The following NLRP14 variants were observed in gnomAD, a reference collection of about 807,000 sequenced individuals.
NLRP14 encodes NACHT, LRR and PYD domains-containing protein 14.
In NLRP14, 105 loss-of-function variants were observed where a neutral mutation model predicts 94.7. The observed-to-expected ratio is 1.11, with a 90% CI of 0.95 to 1.30. The LOEUF (loss-of-function observed/expected upper bound fraction) is 1.30, where lower values mean the gene tolerates loss of function less well. Ranked by LOEUF, NLRP14 falls within the 50% of genes most tolerant of loss-of-function variation. The pLI, the probability that NLRP14 is intolerant of heterozygous loss-of-function variation, is 0.00. For missense variants in NLRP14, 1,362 were observed against 1,254.1 expected, an observed-to-expected ratio of 1.09 and a Z score of -1.30; for synonymous variants, 508 against 459.9, an observed-to-expected ratio of 1.10 and a Z score of -1.34.
the NLRP14 span, among the ~76,000 whole-genome samples, chr11:7,083,924 C>T: frequency 6.6e-6 from 1 of 152,176 alleles, no homozygotes; most frequent in Non-Finnish European, 1.5e-5. Flanking sequence ...CTCTGTCTGG[C>T]CACATGGTCA....
chr11:7,039,253 G>A (rs1852209786), intron 2 of NLRP14, among the ~76,000 whole-genome samples: 1 of 152,144 alleles, frequency 6.6e-6, no homozygotes, highest in Non-Finnish European at 1.5e-5. Flanking sequence ...GGAATGGGCT[G>A]AAAATTATTA....
At chr11:7,030,904 T>C (rs985029336) in intron 1 of NLRP14, among the ~76,000 whole-genome samples, 10 of 152,166 alleles carry the variant, frequency 6.6e-5, no homozygotes, top group Admixed American at 6.5e-5. Context: ...GGATCCTATA[T>C]TGAACACTGA....
At chr11:7,028,013 A>G (rs1027086297) in intron 1 of NLRP14, among the ~76,000 whole-genome samples, 1 of 152,146 alleles carries the variant, frequency 6.6e-6, no homozygotes, top group Admixed American at 6.5e-5. Flanking sequence ...TCTAAACAGT[A>G]GAGTGATTCC....
At chr11:7,031,928 C>G (rs912034207) in intron 1 of NLRP14, among the ~76,000 whole-genome samples, 14 of 152,214 alleles carry the variant, frequency 9.2e-5, no homozygotes, top group Non-Finnish European at 1.3e-4. Context: ...GTCATCCTCT[C>G]TAGCCTATAG....
At chr11:7,044,039 A>G (rs1164005684) in intron 4 of NLRP14, 55 bp downstream of exon 4, 3 of 1,559,608 alleles carry the variant, frequency 1.9e-6, no homozygotes, top group Non-Finnish European at 2.7e-6. Context: ...AGACGTAGAT[A>G]TTTGTCAGAG....
rs1343920440 is a variant in NLRP14, at chr11:7,020,716, G to C, written c.-76G>C. The C allele has an allele frequency of 2.6e-5, 4 of 152,324 alleles. No homozygotes were observed. The highest frequency in any genetic ancestry group is 4.4e-5 in the Non-Finnish European group (3 of 68,118). The allele number at this position is 152,324 out of a possible 1,614,324, so 9.4% of individuals were successfully genotyped here. The stretch of plus-strand genomic sequence containing the variant: ...GTTGTCCTCGCTGTCCCGCGCCTTG[G>C]CGGAATGGGCACCTCACTAGCCCTG... On this transcript the variant is annotated 5_prime_UTR_variant, in exon 1 of 12. Transcript: ENST00000299481.
At chr11:7,054,878 C>T (rs1852496734) in intron 6 of NLRP14, among the ~76,000 whole-genome samples, 1 of 152,054 alleles carries the variant, frequency 6.6e-6, no homozygotes, top group African/African-American at 2.4e-5. Flanking sequence ...AATCTTTGCC[C>T]AGTCCAATGT....
downstream of NLRP14, among the ~76,000 whole-genome samples, chr11:7,073,713 A>G (rs755158801): frequency 3.3e-5 from 5 of 152,206 alleles, no homozygotes; most frequent in African/African-American, 7.2e-5. Flanking sequence ...CCCATTTATT[A>G]TAAGAGAATA....
chr11:7,051,863 C>T (rs976624920), intron 6 of NLRP14, among the ~76,000 whole-genome samples: 4 of 152,160 alleles, frequency 2.6e-5, no homozygotes, highest in Non-Finnish European at 4.4e-5. Context: ...CCTTGTGATC[C>T]GCCTGCCTTG....
At chr11:7,073,551 C>T (rs150776713), downstream of NLRP14, among the ~76,000 whole-genome samples, 337 of 152,240 alleles carry the variant, frequency 2.2e-3, 1 homozygote, top group Middle Eastern at 0.017. Context: ...AGACTCTCCC[C>T]TATTTGAAGT....
chr11:7,071,832 T>C (rs1233096833), downstream of NLRP14, among the ~76,000 whole-genome samples: 1 of 152,014 alleles, frequency 6.6e-6, no homozygotes, highest in Admixed American at 6.5e-5. Flanking sequence ...ACCAGCATTT[T>C]TGAGAATTTC....
chr11:7,046,320 A>G (rs1177326072), intron 4 of NLRP14, among the ~76,000 whole-genome samples: 1 of 152,180 alleles, frequency 6.6e-6, no homozygotes, highest in East Asian at 1.9e-4. Flanking sequence ...TCCTAATCAT[A>G]TTCTTTGTGA....
chr11:7,083,690 C>G, the NLRP14 span, among the ~76,000 whole-genome samples: 1 of 152,190 alleles, frequency 6.6e-6, no homozygotes, highest in Non-Finnish European at 1.5e-5. Flanking sequence ...GTTCATCCAT[C>G]TTTACATTGC....
At chr11:7,034,647 G>A (rs961561241) in intron 1 of NLRP14, among the ~76,000 whole-genome samples, 18 of 152,284 alleles carry the variant, frequency 1.2e-4, no homozygotes, top group South Asian at 6.2e-4. Flanking sequence ...TTTAATTTCA[G>A]CATAGTTAAC....
At chr11:7,054,464 G>A (rs1043253220) in intron 6 of NLRP14, among the ~76,000 whole-genome samples, 3 of 152,130 alleles carry the variant, frequency 2.0e-5, no homozygotes, top group African/African-American at 7.2e-5. Context: ...ATCCTCACCA[G>A]TATTTGTTAT....
chr11:7,088,947 T>C, the NLRP14 span: 4 of 717,698 alleles, frequency 5.6e-6, no homozygotes, highest in Admixed American at 2.9e-5. Flanking sequence ...AGCCGACCAA[T>C]CACAGGCAGC....
At chr11:7,021,743 A>G (rs1851942363) in intron 1 of NLRP14, among the ~76,000 whole-genome samples, 1 of 151,704 alleles carries the variant, frequency 6.6e-6, no homozygotes. Flanking sequence ...CACCCATTAA[A>G]TCTGTCTCTG....
intron 1 of NLRP14, among the ~76,000 whole-genome samples, chr11:7,033,124 A>G (rs1336690174): frequency 6.6e-6 from 1 of 152,216 alleles, no homozygotes; most frequent in African/African-American, 2.4e-5. Context: ...ATTTCATTGT[A>G]CGAATTTACC....
chr11:7,056,515 C>CAAAAAAAAAAAAAA (rs60703550), intron 6 of NLRP14, among the ~76,000 whole-genome samples: 1 of 122,864 alleles, frequency 8.1e-6, no homozygotes, highest in Admixed American at 8.5e-5. Flanking sequence ...AGCACTAATA[C>CAAAAAAAAAAAAAA]AAAAAAAAAA....
Sources: allele counts gnomAD v4.1 joint callset (sites outside exome capture counted in the v4.1 genomes callset), GRCh38; gene constraint gnomAD v4.1.1; transcripts MANE v1.5; gene names NCBI Gene and HGNC (gene_info 2026-07-23, HGNC 2026-07-21).